Variants in AIDA observed in about 807,000 individuals in gnomAD.
The protein encoded by AIDA is axin interactor, dorsalization associated, also known as axin interactor, dorsalization-associated protein.
A neutral mutation model predicts 42.7 loss-of-function variants in AIDA; 18 were observed. The ratio of observed to expected loss-of-function variants is 0.42; its 90% CI spans 0.29 to 0.63. The LOEUF is 0.63. Among genes scored for constraint, AIDA ranks in the 20% least tolerant of loss-of-function variants. The probability of loss-of-function intolerance (pLI) is 0.19; values close to 1 mark genes in which losing one functional copy is unlikely to be tolerated. For synonymous variants in AIDA, 104 were observed against 122.9 expected (o/e 0.85, Z 1.02); for missense variants, 250 against 354.1 (o/e 0.71, Z 2.36).
intron 1 of AIDA, among the ~76,000 whole-genome samples, chr1:222,707,464 A>G (rs1263503403): frequency 6.6e-6 from 1 of 152,144 alleles, no homozygotes; most frequent in Admixed American, 6.5e-5. Context: ...CAGCCATAAA[A>G]AGAACTTTTT....
At chr1:222,674,309 G>T (rs1249876113) in intron 7 of AIDA, among the ~76,000 whole-genome samples, 1 of 152,014 alleles carries the variant, frequency 6.6e-6, no homozygotes, top group African/African-American at 2.4e-5. Flanking sequence ...GTCTCAATCA[G>T]GTACAAAAGA....
rs1457057171 is a variant in AIDA at position 222,668,275 on chromosome 1, C to A, written c.*1618G>T. ...ACAGGGTACAGAGTGCTGCCAAGCA[C>A]CTTAGAAAAATTACATGACACGGAG... On this transcript the variant is annotated 3_prime_UTR_variant, in exon 10 of 10. Coordinates refer to ENST00000340020, the MANE Select transcript of AIDA (RefSeq NM_022831.4). 1 of 137,824 alleles carries A rather than the reference C, an allele frequency of 7.3e-6. No individual in the cohort carries two copies. Among genetic ancestry groups the A allele is most frequent in the African/African-American group, 2.7e-5 (1 of 36,686 alleles). The allele number at this position is 137,824 out of a possible 1,614,324, so 8.5% of individuals were successfully genotyped here.
chr1:222,669,953 C>T lies in AIDA; in HGVS notation c.861G>A (p.Leu287=). The T allele has an allele frequency of 1.2e-6, 2 of 1,613,710 alleles. No homozygotes were observed. The highest frequency in any genetic ancestry group is 1.7e-6 in the Non-Finnish European group (2 of 1,179,922). Reference sequence around the variant, plus strand: ...AAAGTGGTTTCTTGGTCAATAATTGCAATTTCTTTCTTTTAAAGTCAGTGG... The same window carrying T: ...AAAGTGGTTTCTTGGTCAATAATTGTAATTTCTTTCTTTTAAAGTCAGTGG... ...KKPTDFKRKK[L]QLLTKKPLYL... Residue 287 remains leucine (L), a synonymous_variant, in exon 10 of 10, where the codon TTG becomes TTA. Coordinates refer to ENST00000340020, the MANE Select transcript of AIDA (RefSeq NM_022831.4).
chr1:222,701,388 C>A (rs1476025256), intron 2 of AIDA, among the ~76,000 whole-genome samples: 2 of 152,182 alleles, frequency 1.3e-5, no homozygotes, highest in Non-Finnish European at 2.9e-5. Flanking sequence ...GTAACTCAAA[C>A]AGGTGATTAA....
chr1:222,711,285 G>C (rs937165276), intron 1 of AIDA: 1 of 152,116 alleles, frequency 6.6e-6, no homozygotes, highest in African/African-American at 2.4e-5. Flanking sequence ...TATAAATCTT[G>C]TCTTTTATTT....
chr1:222,683,045 C>G (rs1029834820), intron 6 of AIDA, among the ~76,000 whole-genome samples: 1 of 152,118 alleles, frequency 6.6e-6, no homozygotes, highest in Non-Finnish European at 1.5e-5. Flanking sequence ...AGTTGAGGAA[C>G]ATGGGTTCCT....
rs531595224 is a variant in AIDA at position 222,677,994 on chromosome 1, A to T, written c.461-1776T>A. Among the ~76,000 whole-genome samples, 7 of 152,212 alleles carry T rather than the reference A, an allele frequency of 4.6e-5. No individual in the cohort carries two copies. The South Asian group carries it at 1.2e-3, about 27-fold the overall frequency. On this transcript the variant is annotated intron_variant, in intron 6 of 9. Transcript: ENST00000340020. ...GAACAGGATTGCTAAACTAAGAAAA[A>T]TTGTATATTTTTGTTGTTGCTGAGC...
chr1:222,699,176 A>G (rs143865132), intron 2 of AIDA, among the ~76,000 whole-genome samples: 262 of 152,312 alleles, frequency 1.7e-3, no homozygotes, highest in African/African-American at 6.2e-3. Flanking sequence ...TGTGCAAACT[A>G]TTGAACGGTT....
chr1:222,680,344 A>G (rs1664631814), intron 6 of AIDA, among the ~76,000 whole-genome samples: 1 of 152,140 alleles, frequency 6.6e-6, no homozygotes, highest in African/African-American at 2.4e-5. Context: ...ACCTGCCCCA[A>G]CCTTCCCTTA....
At position 222,700,977 on chromosome 1, in the gene AIDA, G is replaced by GC. The variant is rs201670646; in HGVS notation, c.180+2170_180+2171insG. On this transcript the variant is annotated intron_variant, in intron 2 of 9. Transcript: ENST00000340020. Reference sequence around the variant, plus strand: ...CTCATTTCTTGATTTTTTTTGGGGGGGGGGGGACAGGGTCTCACTGTGTCG... The same window carrying GC: ...CTCATTTCTTGATTTTTTTTGGGGGGCGGGGGGACAGGGTCTCACTGTGTCG... Among the ~76,000 whole-genome samples, 51 of 146,328 alleles carry GC rather than the reference G, an allele frequency of 3.5e-4. 1 individual carries two copies. In the East Asian group the frequency reaches 9.5e-3, roughly 27 times the overall value.
intron 6 of AIDA, among the ~76,000 whole-genome samples, chr1:222,684,169 A>G (rs1333932695): frequency 6.6e-6 from 1 of 151,866 alleles, no homozygotes; most frequent in Non-Finnish European, 1.5e-5. Flanking sequence ...TTGGAGTACA[A>G]TGGCACAACC....
At chr1:222,710,866 A>C (rs1655992998) in intron 1 of AIDA, among the ~76,000 whole-genome samples, 1 of 152,248 alleles carries the variant, frequency 6.6e-6, no homozygotes, top group Non-Finnish European at 1.5e-5. Context: ...AATCATGTGA[A>C]AGTGCAAAAC....
chr1:222,677,462 T>C (rs192489547), intron 6 of AIDA, among the ~76,000 whole-genome samples: 18 of 152,240 alleles, frequency 1.2e-4, no homozygotes, highest in East Asian at 5.8e-4. Flanking sequence ...TTGAGGAAAA[T>C]AGTTAACAGG....
At chr1:222,689,520 T>TATATATATATATATATATAC (rs765351898) in intron 4 of AIDA, among the ~76,000 whole-genome samples, 7 of 58,106 alleles carry the variant, frequency 1.2e-4, no homozygotes, top group East Asian at 4.4e-4. Context: ...TATATATATA[T>TATATATATATATATATATAC]ACACACATAC....
intron 4 of AIDA, among the ~76,000 whole-genome samples, chr1:222,689,590 CACACAT>C (rs1176052713): frequency 7.1e-6 from 1 of 141,360 alleles, no homozygotes; most frequent in African/African-American, 2.6e-5. Flanking sequence ...TACACACACA[CACACAT>C]ATATATACAC....
At chr1:222,709,684 A>G (rs1381254847) in intron 1 of AIDA, among the ~76,000 whole-genome samples, 2 of 151,640 alleles carry the variant, frequency 1.3e-5, no homozygotes, top group Non-Finnish European at 2.9e-5. Context: ...GTGCCCCAGA[A>G]AAAAAATACG....
chr1:222,700,626 G>GAA (rs1655664649), intron 2 of AIDA, among the ~76,000 whole-genome samples: 1 of 151,652 alleles, frequency 6.6e-6, no homozygotes, highest in Non-Finnish European at 1.5e-5. Flanking sequence ...CGCGGTGGCG[G>GAA]GCGCCTTAGT....
intron 2 of AIDA, among the ~76,000 whole-genome samples, chr1:222,698,664 T>C (rs181654334): frequency 2.0e-5 from 3 of 151,916 alleles, no homozygotes; most frequent in Non-Finnish European, 2.9e-5. Flanking sequence ...TTGGGCAGGC[T>C]GGTCTCGAAT....
chr1:222,669,908 A>C lies in AIDA; in HGVS notation c.906T>G (p.Thr302=). Residue 302 remains threonine, a synonymous_variant, in exon 10 of 10, where the codon ACT becomes ACG. Transcript: ENST00000340020. ...CATGTCAGGATCATTCCTTGTGCAA[A>C]GTTTGATGTAGATGAAGATAAAGTG... is the stretch of plus-strand genomic sequence containing the variant. ...KKPLYLHLHQ[T]LHKE 1 of 1,611,368 alleles carries C rather than the reference A, an allele frequency of 6.2e-7. No homozygotes were observed. The highest frequency in any genetic ancestry group is 8.5e-7 in the Non-Finnish European group (1 of 1,179,386).
Sources: allele counts gnomAD v4.1 joint callset (sites outside exome capture counted in the v4.1 genomes callset), GRCh38; gene constraint gnomAD v4.1.1; transcripts MANE v1.5; gene names NCBI Gene and HGNC (gene_info 2026-07-23, HGNC 2026-07-21).